KCNN3: variants seen among roughly 807,000 people sequenced by gnomAD.
The protein encoded by KCNN3 is potassium calcium-activated channel subfamily N member 3.
In KCNN3, 16 loss-of-function variants were observed where a neutral mutation model predicts 62.9. That is an observed-to-expected ratio of 0.25 (90% CI 0.17 to 0.39). The LOEUF (loss-of-function observed/expected upper bound fraction) is 0.39. Among genes scored for constraint, KCNN3 ranks in the 10% least tolerant of loss-of-function variants. KCNN3 has a pLI of 1.00. For synonymous variants in KCNN3, 370 were observed against 389.2 expected (o/e 0.95, Z 0.58); for missense variants, 599 against 949.4 (o/e 0.63, Z 4.85).
At chr1:154,740,482 A>G (rs1206437421) in intron 3 of KCNN3, among the ~76,000 whole-genome samples, 2 of 152,214 alleles carry the variant, frequency 1.3e-5, no homozygotes, top group Admixed American at 6.5e-5. Context: ...GGTACACTGC[A>G]TAAGAGTTTC....
chr1:154,752,431 C>G (rs1647423340), intron 3 of KCNN3, among the ~76,000 whole-genome samples: 2 of 152,222 alleles, frequency 1.3e-5, no homozygotes, highest in East Asian at 3.9e-4. Context: ...GTCTGGACAG[C>G]CATGCCCAGC....
chr1:154,850,936 C>T (rs1215766192), intron 1 of KCNN3, among the ~76,000 whole-genome samples: 2 of 152,154 alleles, frequency 1.3e-5, no homozygotes, highest in Admixed American at 6.5e-5. Flanking sequence ...TCAACACCCA[C>T]GGTGCTGGAG....
At chr1:154,820,989 G>C (rs1413419552) in intron 2 of KCNN3, among the ~76,000 whole-genome samples, 2 of 152,172 alleles carry the variant, frequency 1.3e-5, no homozygotes, top group African/African-American at 2.4e-5. Context: ...GTAACAAATG[G>C]GACTGGATTT....
At chr1:154,785,736 A>G (rs1649255710) in intron 2 of KCNN3, among the ~76,000 whole-genome samples, 2 of 151,544 alleles carry the variant, frequency 1.3e-5, no homozygotes, top group African/African-American at 4.8e-5. Flanking sequence ...CCCAGCTACC[A>G]CGAGTAGCTG....
At chr1:154,806,635 C>A (rs1442349047) in intron 2 of KCNN3, among the ~76,000 whole-genome samples, 1 of 152,182 alleles carries the variant, frequency 6.6e-6, no homozygotes, top group Non-Finnish European at 1.5e-5. Context: ...ATTATTGATT[C>A]AATCCTGAGA....
intron 3 of KCNN3, among the ~76,000 whole-genome samples, chr1:154,740,534 A>G (rs1700804597): frequency 6.6e-6 from 1 of 152,184 alleles, no homozygotes; most frequent in South Asian, 2.1e-4. Flanking sequence ...GGTTTGTAGG[A>G]TATGTACATA....
At chr1:154,850,198 G>C (rs934860191) in intron 1 of KCNN3, among the ~76,000 whole-genome samples, 1 of 152,158 alleles carries the variant, frequency 6.6e-6, no homozygotes, top group African/African-American at 2.4e-5. Context: ...TCAAGTCACC[G>C]GCCTAAGCTC....
chr1:154,796,394 C>T (rs908207477), intron 2 of KCNN3, among the ~76,000 whole-genome samples: 4 of 152,140 alleles, frequency 2.6e-5, no homozygotes, highest in African/African-American at 7.2e-5. Context: ...ATCTCCCACC[C>T]GTCTGGGAAG....
intron 1 of KCNN3, among the ~76,000 whole-genome samples, chr1:154,850,963 T>A (rs1652276714): frequency 6.6e-6 from 1 of 152,130 alleles, no homozygotes. Context: ...ATAACTTAGC[T>A]GATTTTTGTT....
chr1:154,716,146 T>TGTC (rs1433561900), intron 5 of KCNN3, among the ~76,000 whole-genome samples: 4 of 152,238 alleles, frequency 2.6e-5, no homozygotes, highest in Admixed American at 6.5e-5. Flanking sequence ...AAACCACTGA[T>TGTC]ATCACCAGGC....
intron 2 of KCNN3, among the ~76,000 whole-genome samples, chr1:154,783,600 T>A (rs1385534183): frequency 6.6e-6 from 1 of 152,198 alleles, no homozygotes; most frequent in East Asian, 1.9e-4. Flanking sequence ...TGGACAGGCT[T>A]GGGGTGGGGT....
At chr1:154,853,482 C>T (rs750036998) in intron 1 of KCNN3, among the ~76,000 whole-genome samples, 12 of 151,976 alleles carry the variant, frequency 7.9e-5, no homozygotes, top group East Asian at 1.9e-4. Context: ...ACCACAGGCA[C>T]GCACCACCAT....
chr1:154,774,988 C>T (rs756534984), intron 2 of KCNN3, among the ~76,000 whole-genome samples: 9 of 152,220 alleles, frequency 5.9e-5, no homozygotes, highest in African/African-American at 1.7e-4. Context: ...GCACAGAAAG[C>T]GTAACAGAGA....
chr1:154,799,963 C>A (rs1649890208), intron 2 of KCNN3, among the ~76,000 whole-genome samples: 1 of 152,244 alleles, frequency 6.6e-6, no homozygotes, highest in African/African-American at 2.4e-5. Flanking sequence ...CTTGACCTGG[C>A]AGCACCTCAG....
At chr1:154,722,544 C>A (rs760975861) in intron 5 of KCNN3, among the ~76,000 whole-genome samples, 1 of 151,428 alleles carries the variant, frequency 6.6e-6, no homozygotes, top group Non-Finnish European at 1.5e-5. Flanking sequence ...CGTGCCACTA[C>A]GCCCGGCTAA....
intron 2 of KCNN3, among the ~76,000 whole-genome samples, chr1:154,794,063 G>T (rs972975767): frequency 6.6e-6 from 1 of 152,284 alleles, no homozygotes; most frequent in East Asian, 1.9e-4. Context: ...GACCACCAAG[G>T]CTGTTGTGCT....
At chr1:154,766,419 TATATATATATA>T (rs1648283115) in intron 3 of KCNN3, among the ~76,000 whole-genome samples, 2 of 85,424 alleles carry the variant, frequency 2.3e-5, no homozygotes, top group African/African-American at 3.6e-5. Flanking sequence ...CCAGGCTTTA[TATATATATATA>T]TATATATATA....
intron 2 of KCNN3, among the ~76,000 whole-genome samples, chr1:154,778,971 T>G (rs1477889207): frequency 6.6e-6 from 1 of 152,030 alleles, no homozygotes; most frequent in Non-Finnish European, 1.5e-5. Context: ...AGTGGAACAT[T>G]AAAAAGTGTG....
At chr1:154,759,097 C>T (rs1199564639) in intron 3 of KCNN3, among the ~76,000 whole-genome samples, 1 of 152,170 alleles carries the variant, frequency 6.6e-6, no homozygotes, top group Non-Finnish European at 1.5e-5. Flanking sequence ...TGTGAGCCAC[C>T]ATGCCCGGCC....
Sources: allele counts gnomAD v4.1 joint callset (sites outside exome capture counted in the v4.1 genomes callset), GRCh38; gene constraint gnomAD v4.1.1; transcripts MANE v1.5; gene names NCBI Gene and HGNC (gene_info 2026-07-23, HGNC 2026-07-21).